Variants in MYOM1 observed in about 807,000 individuals in gnomAD.
MYOM1 encodes myomesin-1.
A neutral mutation model predicts 205.3 loss-of-function variants in MYOM1; 164 were observed. The observed-to-expected ratio is 0.80, with a 90% confidence interval of 0.70 to 0.91. The LOEUF is 0.91. MYOM1 is among the 40% of genes least tolerant of loss of function. The pLI, the probability that MYOM1 is intolerant of heterozygous loss-of-function variation, is 0.00. For synonymous variants in MYOM1, 772 were observed against 789.4 expected, an observed-to-expected ratio of 0.98 and a Z score of 0.37; for missense variants, 2,011 against 2,127.3, an observed-to-expected ratio of 0.95 and a Z score of 1.08.
chr18:3,104,745 CTTTTT>C (rs745369627), intron 22 of MYOM1, among the ~76,000 whole-genome samples: 1 of 80,586 alleles, frequency 1.2e-5, no homozygotes, highest in Non-Finnish European at 2.1e-5. Flanking sequence ...GAATTGGAAT[CTTTTT>C]TTTTTTTTTT....
chr18:3,141,516 C>G (rs1191471284), intron 14 of MYOM1, among the ~76,000 whole-genome samples: 2 of 152,198 alleles, frequency 1.3e-5, no homozygotes, highest in Non-Finnish European at 2.9e-5. Context: ...TGCCCCTTCT[C>G]CGTTACCCCC....
intron 8 of MYOM1, among the ~76,000 whole-genome samples, chr18:3,171,110 G>C (rs374346900): frequency 6.6e-6 from 1 of 152,180 alleles, no homozygotes; most frequent in Admixed American, 6.5e-5. Context: ...CAAAATAACT[G>C]ACCACATTCC....
chr18:3,131,648 C>T (rs1177363242), intron 16 of MYOM1, among the ~76,000 whole-genome samples, 152 bp from the exon 17 acceptor site: 1 of 151,904 alleles, frequency 6.6e-6, no homozygotes, highest in Non-Finnish European at 1.5e-5. Context: ...TGCTGTGTTT[C>T]CCAGGCTAGT....
At chr18:3,101,422 T>G (rs916568876) in intron 23 of MYOM1, among the ~76,000 whole-genome samples, 2 of 152,198 alleles carry the variant, frequency 1.3e-5, no homozygotes, top group Non-Finnish European at 2.9e-5. Flanking sequence ...CAATGATAGA[T>G]CATACAATTC....
At chr18:3,196,244 T>C (rs547932734) in intron 2 of MYOM1, among the ~76,000 whole-genome samples, 46 of 152,300 alleles carry the variant, frequency 3.0e-4, no homozygotes, top group African/African-American at 9.4e-4. Context: ...CCATCCATAG[T>C]CTATTTTGTC....
chr18:3,097,032 C>T (rs928329568), intron 25 of MYOM1, among the ~76,000 whole-genome samples: 3 of 152,058 alleles, frequency 2.0e-5, no homozygotes, highest in Non-Finnish European at 2.9e-5. Flanking sequence ...GTTTAAGGCA[C>T]GTGTTTAGTG....
At chr18:3,115,898 G>A (rs1429283218) in intron 21 of MYOM1, among the ~76,000 whole-genome samples, 2 of 152,160 alleles carry the variant, frequency 1.3e-5, no homozygotes, top group African/African-American at 4.8e-5. Context: ...TGAGACAGGA[G>A]TGACTCGAGA....
intron 28 of MYOM1, 141 bp downstream of exon 28, chr18:3,089,396 T>C (rs771015593): frequency 5.9e-5 from 47 of 790,280 alleles, no homozygotes; most frequent in Non-Finnish European, 9.2e-5. Context: ...TATTTAACAG[T>C]AAATATTTTT....
At chr18:3,168,510 A>G (rs899053573) in intron 9 of MYOM1, among the ~76,000 whole-genome samples, 2 of 152,118 alleles carry the variant, frequency 1.3e-5, no homozygotes, top group African/African-American at 4.8e-5. Context: ...TCTGGTCTCA[A>G]ACTCCTGACC....
intron 14 of MYOM1, among the ~76,000 whole-genome samples, chr18:3,141,511 C>T (rs2080048214): frequency 6.6e-6 from 1 of 152,164 alleles, no homozygotes; most frequent in Non-Finnish European, 1.5e-5. Flanking sequence ...AGTATTGCCC[C>T]TTCTCCGTTA....
In MYOM1 at chr18:3,187,635, T is replaced by C. The variant is rs1236978056; in HGVS notation, c.774A>G (p.Leu258=). The C allele has an allele frequency of 6.3e-7, 1 of 1,588,460 alleles. No individual in the cohort carries two copies. The highest frequency in any genetic ancestry group is 8.6e-7 in the Non-Finnish European group (1 of 1,162,108). ...KAERLSLRKT[L]EETETYHAKL... ...TGGCATGATATGTCTCGGTTTCTTC[T>C]AACTGAAAAAACAAATATGCAAACA... The change falls in exon 5 of 38, where the codon TTA becomes TTG. Residue 258 remains leucine (L), a splice_region_variant and synonymous_variant. Coordinates refer to ENST00000356443, the MANE Select transcript of MYOM1 (RefSeq NM_003803.4).
chr18:3,151,735 G>A lies in MYOM1; in HGVS notation c.1802C>T (p.Pro601Leu). 1.9e-6 allele frequency: 3 copies of A among 1,613,780 alleles called. No homozygotes were observed. In the African/African-American group the frequency reaches 4.0e-5, roughly 22 times the overall value. ...GIGFPSRVSE[P>L]VAALDPAEKA... ...CTCAGCCGGATCCAGAGCAGCCACG[G>A]GCTCGGAAACTCGAGATGGGAAACC... The change falls in exon 12 of 38, where the codon CCC (proline) becomes CTC (leucine). Residue 601 changes from proline to leucine, a missense_variant. Physicochemically the swap from Pro to Leu is moderately conservative, Grantham distance 98. Transcript: ENST00000356443.
the MYOM1 span, among the ~76,000 whole-genome samples, chr18:3,244,083 C>A: frequency 2.0e-5 from 3 of 152,134 alleles, no homozygotes; most frequent in Non-Finnish European, 4.4e-5. Context: ...GGCTGAATAA[C>A]GTTCTGTTGT....
chr18:3,163,485 C>T (rs1359496912), intron 10 of MYOM1, among the ~76,000 whole-genome samples: 1 of 152,126 alleles, frequency 6.6e-6, no homozygotes, highest in Non-Finnish European at 1.5e-5. Flanking sequence ...CAGGGTCTCA[C>T]TCTGTCACCC....
chr18:3,187,857 C>CTTTTT (rs763218658), intron 4 of MYOM1, among the ~76,000 whole-genome samples: 29 of 124,192 alleles, frequency 2.3e-4, no homozygotes, highest in African/African-American at 3.0e-4. Context: ...ATTTCTTTTT[C>CTTTTT]TTTTTTTTTT....
chr18:3,229,331 T>A, the MYOM1 span, among the ~76,000 whole-genome samples: 1 of 151,198 alleles, frequency 6.6e-6, no homozygotes, highest in South Asian at 2.1e-4. Context: ...GCATGAGACA[T>A]GAACATCAGT....
chr18:3,130,249 G>T (rs1192229159), intron 17 of MYOM1, among the ~76,000 whole-genome samples: 1 of 151,892 alleles, frequency 6.6e-6, no homozygotes, highest in African/African-American at 2.4e-5. Flanking sequence ...AGCCATGTAG[G>T]CCAGGTTGAT....
intron 37 of MYOM1, among the ~76,000 whole-genome samples, chr18:3,069,956 A>G (rs1282204191): frequency 2.0e-5 from 3 of 152,206 alleles, no homozygotes; most frequent in South Asian, 2.1e-4. Context: ...AACCGTGATC[A>G]TATTTTCCAA....
At chr18:3,087,702 C>CTGG (rs1159209689) in intron 29 of MYOM1, among the ~76,000 whole-genome samples, 1 of 152,120 alleles carries the variant, frequency 6.6e-6, no homozygotes, top group Non-Finnish European at 1.5e-5. Context: ...GTTGGCCAGG[C>CTGG]TGGTCTTGAA....
Sources: gnomAD v4.1 joint callset for allele counts (sites outside exome capture counted in the v4.1 genomes callset) on GRCh38, gnomAD v4.1.1 for gene constraint, MANE v1.5 for transcripts, NCBI Gene and HGNC (gene_info 2026-07-23, HGNC 2026-07-21) for gene names.